The following MYO9A variants were observed in gnomAD, a reference collection of about 807,000 sequenced individuals.
The protein encoded by MYO9A is myosin IXA, also known as unconventional myosin-IXa.
Under a neutral mutation model 293.3 loss-of-function variants are expected in MYO9A, and 103 were observed. The observed-to-expected ratio is 0.35, with a 90% CI of 0.30 to 0.41. The LOEUF is 0.41. MYO9A is among the 10% of genes least tolerant of loss of function. The pLI, the probability that MYO9A is intolerant of heterozygous loss-of-function variation, is 1.00. For synonymous variants in MYO9A, 1,001 were observed against 1,035.7 expected (o/e 0.97, Z 0.64); for missense variants, 2,685 against 3,033.0 (o/e 0.89, Z 2.69).
chr15:71,911,528 G>A (rs571647520), intron 19 of MYO9A, among the ~76,000 whole-genome samples: 1 of 152,302 alleles, frequency 6.6e-6, no homozygotes, highest in South Asian at 2.1e-4. Context: ...TGGATCCCTA[G>A]GCAGCTGAGT....
intron 41 of MYO9A, 49 bp downstream of exon 41, chr15:71,827,835 C>T: frequency 6.4e-7 from 1 of 1,559,644 alleles, no homozygotes; most frequent in East Asian, 2.3e-5. Context: ...ATCTTTATTC[C>T]TCCTTTGCAA....
At chr15:72,038,267 G>A (rs1363323158) in intron 2 of MYO9A, among the ~76,000 whole-genome samples, 1 of 152,040 alleles carries the variant, frequency 6.6e-6, no homozygotes, top group Non-Finnish European at 1.5e-5. Context: ...CACCACGAAA[G>A]ACCATGTTCT....
At chr15:71,883,993 C>T (rs2142714986) in intron 27 of MYO9A, among the ~76,000 whole-genome samples, 1 of 151,764 alleles carries the variant, frequency 6.6e-6, no homozygotes, top group East Asian at 2.0e-4. Context: ...AATAACAAAA[C>T]CCAGAGAAGT....
intron 39 of MYO9A, among the ~76,000 whole-genome samples, chr15:71,832,134 C>T (rs1333844499): frequency 2.0e-5 from 3 of 151,952 alleles, no homozygotes; most frequent in African/African-American, 4.8e-5. Context: ...AAAATTAGCT[C>T]GGTGTGGTGG....
chr15:71,938,766 CA>C (rs148310735), intron 16 of MYO9A, 85 bp downstream of exon 16: 39,472 of 1,212,858 alleles, frequency 0.033, 1,546 homozygotes, highest in East Asian at 0.22. Flanking sequence ...TGAATTACTT[CA>C]AACTTTTAAA....
intron 39 of MYO9A, 82 bp from the exon 40 acceptor site, chr15:71,830,393 T>G (rs2054674383): frequency 2.3e-6 from 3 of 1,280,650 alleles, no homozygotes; most frequent in Non-Finnish European, 3.4e-6. Flanking sequence ...ACAAGTGTAT[T>G]TCCATCACAC....
chr15:72,092,903 CCTTA>C lies in MYO9A; in HGVS notation c.-72+24773_-72+24776del, dbSNP rs948150040. ...ACACACACCACCACTTCAGCCACCA[CCTTA>C]CTTACACACACACACACACACACAC... On this transcript the variant is annotated intron_variant, in intron 1 of 41. Coordinates refer to ENST00000356056, the MANE Select transcript of MYO9A (RefSeq NM_006901.4). Among the ~76,000 whole-genome samples, 22 of 148,662 alleles carry C rather than the reference CCTTA, an allele frequency of 1.5e-4. 1 individual carries two copies. The highest frequency in any genetic ancestry group is 2.4e-4 in the Non-Finnish European group (16 of 67,706).
chr15:72,042,984 CA>C (rs747525892), intron 2 of MYO9A, among the ~76,000 whole-genome samples: 1 of 151,964 alleles, frequency 6.6e-6, no homozygotes, highest in Non-Finnish European at 1.5e-5. Flanking sequence ...GTGAGAGGAT[CA>C]CTCGAGCCTG....
At chr15:71,832,184 G>A (rs904158538) in intron 39 of MYO9A, among the ~76,000 whole-genome samples, 1 of 152,162 alleles carries the variant, frequency 6.6e-6, no homozygotes, top group African/African-American at 2.4e-5. Flanking sequence ...GCTGAGGTAA[G>A]AGCATTGCTT....
chr15:72,010,191 T>C (rs185157047), intron 7 of MYO9A, among the ~76,000 whole-genome samples, 159 bp downstream of exon 7: 4 of 152,208 alleles, frequency 2.6e-5, no homozygotes, highest in Admixed American at 1.3e-4. Flanking sequence ...AAATAATTTA[T>C]GATAAAAAAA....
chr15:72,101,613 G>T (rs1320762165), intron 1 of MYO9A, among the ~76,000 whole-genome samples: 1 of 137,260 alleles, frequency 7.3e-6, no homozygotes, highest in Non-Finnish European at 1.6e-5. Context: ...CCCTCTGCCC[G>T]GCCAGCCGCC....
chr15:72,034,477 T>C (rs2077979840), intron 2 of MYO9A, among the ~76,000 whole-genome samples: 2 of 152,212 alleles, frequency 1.3e-5, no homozygotes, highest in South Asian at 4.1e-4. Flanking sequence ...TTATACTGTA[T>C]CTTAGTAAGT....
intron 1 of MYO9A, among the ~76,000 whole-genome samples, chr15:72,091,482 C>T (rs12438532): frequency 0.05 from 7,628 of 152,040 alleles, 322 homozygotes; most frequent in East Asian, 0.18. Flanking sequence ...GGAAAGAATA[C>T]GCAAGCCTAA....
chr15:72,063,805 T>C (rs1222269202), intron 1 of MYO9A, among the ~76,000 whole-genome samples: 1 of 152,216 alleles, frequency 6.6e-6, no homozygotes, highest in African/African-American at 2.4e-5. Flanking sequence ...CTGCTAGGTA[T>C]ATACCCAAAA....
chr15:72,038,962 C>T (rs2078145120), intron 2 of MYO9A, among the ~76,000 whole-genome samples: 1 of 151,792 alleles, frequency 6.6e-6, no homozygotes, highest in South Asian at 2.1e-4. Flanking sequence ...ATATATTTAC[C>T]TATAAGATAG....
rs769513240 is a variant in MYO9A, at chr15:71,897,705, G to A, written c.4798C>T (p.Pro1600Ser). 13 of 1,614,182 alleles carry A rather than the reference G, an allele frequency of 8.1e-6. No homozygotes were observed. Among genetic ancestry groups the A allele is most frequent in the Non-Finnish European group, 1.0e-5 (12 of 1,180,038 alleles). Residue 1600 changes from proline (P) to serine (S), a missense_variant, in exon 25 of 42, where the codon CCT becomes TCT. Pro to Ser is a moderately conservative substitution (Grantham distance 74). Coordinates refer to ENST00000356056, the MANE Select transcript of MYO9A (RefSeq NM_006901.4). The part of the protein sequence containing the change: ...SSAHLPPKDR[P>S]VTVFFERKGS... The stretch of plus-strand genomic sequence containing the variant: ...TTTCTTTCAAAGAACACGGTGACAG[G>A]TCGGTCCTTTGGGGGTAAGTGAGCA...
intron 1 of MYO9A, among the ~76,000 whole-genome samples, chr15:72,084,338 G>T (rs367601785): frequency 1.2e-4 from 18 of 152,072 alleles, no homozygotes; most frequent in African/African-American, 4.3e-4. Context: ...CCATTTATTT[G>T]CTTGGTAATT....
intron 16 of MYO9A, 108 bp downstream of exon 16, chr15:71,938,744 A>T (rs1165143943): frequency 1.1e-6 from 1 of 941,470 alleles, no homozygotes; most frequent in African/African-American, 1.7e-5. Context: ...AAATAAAAAA[A>T]CAAAACAAGC....
At chr15:72,082,108 A>T (rs1160131388) in intron 1 of MYO9A, among the ~76,000 whole-genome samples, 1 of 152,208 alleles carries the variant, frequency 6.6e-6, no homozygotes, top group Non-Finnish European at 1.5e-5. Context: ...CTGAATCGAT[A>T]AACTGCTTTG....
Sources: gnomAD v4.1 joint callset for allele counts (sites outside exome capture counted in the v4.1 genomes callset) on GRCh38, gnomAD v4.1.1 for gene constraint, MANE v1.5 for transcripts, NCBI Gene and HGNC (gene_info 2026-07-23, HGNC 2026-07-21) for gene names.